SMARCA2: variants seen among roughly 807,000 people sequenced by gnomAD.
The protein encoded by SMARCA2 is SWI/SNF-related matrix-associated actin-dependent regulator of chromatin subfamily A member 2.
In SMARCA2, 61 loss-of-function variants were observed where a neutral mutation model predicts 199.8. The observed-to-expected ratio is 0.31, with a 90% CI of 0.25 to 0.38. The LOEUF is 0.38. Ranked by LOEUF, SMARCA2 falls within the 10% of genes least tolerant of loss-of-function variation. The probability of loss-of-function intolerance (pLI) is 1.00; values close to 1 mark genes in which losing one functional copy is unlikely to be tolerated. For missense variants in SMARCA2, 1,344 were observed against 2,012.2 expected, an observed-to-expected ratio of 0.67 and a Z score of 6.35; for synonymous variants, 935 against 732.0, an observed-to-expected ratio of 1.28 and a Z score of -4.48.
intron 4 of SMARCA2, chr9:2,040,326 G>A (rs959792463): frequency 1.2e-5 from 3 of 254,672 alleles, no homozygotes; most frequent in Non-Finnish European, 2.2e-5. Flanking sequence ...TTTTTGTTAT[G>A]AAGAACATCT....
At chr9:2,019,150 AC>A (rs1818492379) in intron 1 of SMARCA2, among the ~76,000 whole-genome samples, 1 of 151,614 alleles carries the variant, frequency 6.6e-6, no homozygotes. Flanking sequence ...AAAAAAAAAA[AC>A]AACCCAGTAG....
At position 2,029,170 on chromosome 9, in the gene SMARCA2, C is replaced by T. The variant is rs1181552796; in HGVS notation, c.148C>T (p.Pro50Ser). The change falls in exon 2 of 34, where the codon CCT becomes TCT. Residue 50 changes from proline (P) to serine (S), a missense_variant. Coordinates refer to ENST00000349721, the MANE Select transcript of SMARCA2 (RefSeq NM_003070.5). ...CAGCATGATGGGGCCAAGTCCTGGA[C>T]CTCCAAGTGTCTCCCATCCTATGCC... ...VHSMMGPSPG[P>S]PSVSHPMPTM... is the part of the protein sequence containing the mutation. 1.2e-6 allele frequency: 2 copies of T among 1,613,266 alleles called. No homozygotes were observed. The highest frequency in any genetic ancestry group is 2.7e-5 in the African/African-American group (2 of 74,914).
At chr9:2,042,954 C>T (rs1053619259) in intron 4 of SMARCA2, 2 of 151,956 alleles carry the variant, frequency 1.3e-5, no homozygotes, top group African/African-American at 2.4e-5. Context: ...TCTCAGGTTT[C>T]ATTAGAGAAA....
Position 2,191,285 on chromosome 9 carries a change from A to G in SMARCA2, c.4614A>G (p.Lys1538=), listed in dbSNP as rs1365349429. 2.5e-6 allele frequency: 4 copies of G among 1,613,988 alleles called. No homozygotes were observed. The highest frequency in any genetic ancestry group is 1.3e-5 in the African/African-American group (1 of 74,892). ...SESEAKSVKV[K]IKLNKKDDKG... ...TTTTAGCAAAATCAGTCAAGGTGAA[A>G]ATTAAGCTCAATAAAAAAGATGACA... The change falls in exon 33 of 34, where the codon AAA becomes AAG. Residue 1538 remains lysine, a synonymous_variant. Coordinates refer to ENST00000349721, the MANE Select transcript of SMARCA2 (RefSeq NM_003070.5).
chr9:2,047,110 C>G (rs1819887548), intron 4 of SMARCA2, 119 bp from the exon 5 acceptor site: 13 of 656,664 alleles, frequency 2.0e-5, no homozygotes, highest in Non-Finnish European at 2.3e-5. Flanking sequence ...TCTCTTCCCT[C>G]AGGTGTTTAA....
intron 12 of SMARCA2, among the ~76,000 whole-genome samples, chr9:2,074,800 G>T (rs1320543877): frequency 6.6e-6 from 1 of 152,206 alleles, no homozygotes; most frequent in African/African-American, 2.4e-5. Context: ...CCTGGGCAGA[G>T]ACTGCAGTGA....
In SMARCA2 at chr9:2,058,413, G is replaced by A; in HGVS notation, c.1470G>A (p.Glu490=). 2.5e-6 allele frequency: 4 copies of A among 1,614,210 alleles called. No individual in the cohort carries two copies. The highest frequency in any genetic ancestry group is 3.4e-6 in the Non-Finnish European group (4 of 1,180,030). ...VATWHANTER[E]QKKETERIEK... is the part of the protein sequence containing the mutation. ...CTTGGCATGCCAACACTGAAAGAGA[G>A]CAGAAGAAGGAGACAGAGCGGATTG... Residue 490 remains glutamate, a synonymous_variant, in exon 8 of 34, where the codon GAG becomes GAA. Coordinates refer to ENST00000349721, the MANE Select transcript of SMARCA2 (RefSeq NM_003070.5).
At chr9:2,043,774 G>A (rs1449642261) in intron 4 of SMARCA2, 2 of 152,098 alleles carry the variant, frequency 1.3e-5, no homozygotes, top group East Asian at 3.9e-4. Flanking sequence ...ATCAAATCAC[G>A]CCTAGGGATG....
intron 22 of SMARCA2, among the ~76,000 whole-genome samples, chr9:2,102,934 C>T (rs371700459): frequency 6.6e-6 from 1 of 151,838 alleles, no homozygotes; most frequent in Non-Finnish European, 1.5e-5. Context: ...GTATTCTCTC[C>T]TCACTTCTGT....
chr9:2,069,384 G>A (rs774534295), intron 9 of SMARCA2, among the ~76,000 whole-genome samples: 1 of 151,194 alleles, frequency 6.6e-6, no homozygotes, highest in African/African-American at 2.4e-5. Flanking sequence ...GTGAAACCCC[G>A]TCTCCACTAA....
chr9:2,022,697 C>A (rs1818657321), intron 1 of SMARCA2, among the ~76,000 whole-genome samples: 1 of 152,128 alleles, frequency 6.6e-6, no homozygotes, highest in Non-Finnish European at 1.5e-5. Context: ...CTTATCTTGG[C>A]AGTCAGAAAA....
At chr9:2,072,356 T>G (rs4741641) in intron 10 of SMARCA2, among the ~76,000 whole-genome samples, 16,258 of 152,272 alleles carry the variant, frequency 0.11, 967 homozygotes, top group East Asian at 0.28. Flanking sequence ...CATTCGTTAC[T>G]GATTATATTC....
intron 3 of SMARCA2, among the ~76,000 whole-genome samples, chr9:2,037,676 G>A (rs915717958): frequency 2.0e-5 from 3 of 152,082 alleles, no homozygotes; most frequent in South Asian, 2.1e-4. Flanking sequence ...TCTTAGGTTC[G>A]GGCATGCAGC....
intron 27 of SMARCA2, among the ~76,000 whole-genome samples, chr9:2,146,650 G>C (rs888147973): frequency 5.3e-5 from 8 of 152,234 alleles, no homozygotes; most frequent in Non-Finnish European, 2.9e-5. Context: ...CTACTCCATA[G>C]GCAGAGCAGC....
intron 27 of SMARCA2, among the ~76,000 whole-genome samples, chr9:2,139,309 A>C (rs1341911913): frequency 6.6e-6 from 1 of 152,140 alleles, no homozygotes; most frequent in Non-Finnish European, 1.5e-5. Context: ...TGGGTTTTTC[A>C]AGGATTGTCT....
chr9:2,103,565 C>A (rs2130553711), intron 22 of SMARCA2, among the ~76,000 whole-genome samples: 1 of 151,600 alleles, frequency 6.6e-6, no homozygotes, highest in East Asian at 1.9e-4. Context: ...ATCTTAAGTG[C>A]CCTGAATTAA....
Position 2,170,248 on chromosome 9 carries a change from A to G in SMARCA2, c.4200-171A>G, listed in dbSNP as rs192940745. ...CTTCCCCCACCATTTTTAGAGAACTATGTTATTTTTCCGAATGAGGTTCCA... is the reference window on the plus strand; with the variant it reads ...CTTCCCCCACCATTTTTAGAGAACTGTGTTATTTTTCCGAATGAGGTTCCA... On this transcript the variant is annotated intron_variant, in intron 28 of 33. Transcript: ENST00000349721. This position sits in a 1 kb window ranked among gnomAD's most constrained non-coding sequence, Gnocchi z 4.7. 2.0e-5 allele frequency among the ~76,000 whole-genome samples: 3 copies of G among 152,274 alleles called. No individual in the cohort carries two copies. Among genetic ancestry groups the G allele is most frequent in the Non-Finnish European group, 4.4e-5 (3 of 68,026 alleles).
chr9:2,030,046 A>G (rs1200439241), intron 2 of SMARCA2, among the ~76,000 whole-genome samples: 2 of 152,220 alleles, frequency 1.3e-5, no homozygotes, highest in Non-Finnish European at 2.9e-5. Flanking sequence ...ATTACATACT[A>G]CCTGAAGGTT....
At chr9:2,155,502 C>T (rs7875647) in intron 27 of SMARCA2, among the ~76,000 whole-genome samples, 1 of 151,964 alleles carries the variant, frequency 6.6e-6, no homozygotes, top group Non-Finnish European at 1.5e-5. Flanking sequence ...AGGCTGGTCT[C>T]GAACTCCTGA....
Sources: allele counts gnomAD v4.1 joint callset (sites outside exome capture counted in the v4.1 genomes callset), GRCh38; gene constraint gnomAD v4.1.1; non-coding constraint Gnocchi (gnomAD v3.1); transcripts MANE v1.5; gene names NCBI Gene and HGNC (gene_info 2026-07-23, HGNC 2026-07-21).